CAMK2B: variants seen among roughly 807,000 people sequenced by gnomAD.
The protein encoded by CAMK2B is calcium/calmodulin dependent protein kinase II beta, also known as calcium/calmodulin-dependent protein kinase type II subunit beta.
A neutral mutation model predicts 93.7 loss-of-function variants in CAMK2B; 27 were observed. The ratio of observed to expected loss-of-function variants is 0.29; its 90% CI spans 0.21 to 0.40. CAMK2B has a LOEUF of 0.40. CAMK2B is among the 10% of genes least tolerant of loss of function. CAMK2B has a pLI of 1.00. For synonymous variants in CAMK2B, 374 were observed against 358.8 expected (o/e 1.04, Z -0.48); for missense variants, 568 against 895.8 (o/e 0.63, Z 4.67).
At chr7:44,221,084 A>G in intron 20 of CAMK2B, 183 bp from the exon 21 acceptor site, 1 of 587,232 alleles carries the variant, frequency 1.7e-6, no homozygotes. Context: ...CTCATTTTCA[A>G]GTGCAACAGC....
At chr7:44,281,619 G>A (rs1013204674) in intron 2 of CAMK2B, among the ~76,000 whole-genome samples, 4 of 152,074 alleles carry the variant, frequency 2.6e-5, no homozygotes, top group Admixed American at 2.6e-4. Context: ...CTCTGCTCCC[G>A]GCGACATCTG....
At chr7:44,240,542 G>C (rs1010047610) in intron 12 of CAMK2B, among the ~76,000 whole-genome samples, 165 bp downstream of exon 12, 8 of 152,252 alleles carry the variant, frequency 5.3e-5, no homozygotes, top group African/African-American at 1.7e-4. Flanking sequence ...CAAGGTGGGA[G>C]CCCAGCGGGG....
chr7:44,257,987 G>A (rs969884908), intron 4 of CAMK2B, among the ~76,000 whole-genome samples: 3 of 152,260 alleles, frequency 2.0e-5, no homozygotes, highest in Admixed American at 6.5e-5. Context: ...CTGTGTGGCC[G>A]CCTGGAGGCC....
chr7:44,228,289 C>T (rs778172257), intron 19 of CAMK2B, among the ~76,000 whole-genome samples: 1 of 152,012 alleles, frequency 6.6e-6, no homozygotes, highest in Non-Finnish European at 1.5e-5. Flanking sequence ...CTCCAGAGAC[C>T]CTGGTCGGGG....
Position 44,239,192 on chromosome 7 carries a change from A to G in CAMK2B, c.1021+397T>C, listed in dbSNP as rs368214556. 4.3e-4 allele frequency among the ~76,000 whole-genome samples: 65 copies of G among 152,296 alleles called. 1 individual carries two copies. The South Asian group carries it at 0.013, about 32-fold the overall frequency. On this transcript the variant is annotated intron_variant, in intron 13 of 23. Coordinates refer to ENST00000395749, the MANE Select transcript of CAMK2B (RefSeq NM_001220.5). Reference sequence around the variant, plus strand: ...AGGGGCAGGGTGTGTGTCTGCCCCAAGGGCCTCTGCCTCTCTGGCTCTGCT... The same window carrying G: ...AGGGGCAGGGTGTGTGTCTGCCCCAGGGGCCTCTGCCTCTCTGGCTCTGCT...
Position 44,225,480 on chromosome 7 carries a change from T to C in CAMK2B, c.1597+1036A>G, listed in dbSNP as rs1331997749. On this transcript the variant is annotated intron_variant, in intron 20 of 23. Coordinates refer to ENST00000395749, the MANE Select transcript of CAMK2B (RefSeq NM_001220.5). The surrounding 1 kb of genome is among the most constrained non-coding windows in gnomAD (Gnocchi z 5.0). ...GAACCTGGCCTCTCCCCTCAGCTGC[T>C]TGCCTCTGATCCCCTCAGTCAACCC... 6.6e-6 allele frequency among the ~76,000 whole-genome samples: 1 copy of C among 152,074 alleles called. No homozygotes were observed. Among genetic ancestry groups the C allele is most frequent in the Admixed American group, 6.5e-5 (1 of 15,278 alleles).
intron 4 of CAMK2B, among the ~76,000 whole-genome samples, chr7:44,258,363 C>T (rs1184468683): frequency 1.3e-5 from 2 of 152,228 alleles, no homozygotes; most frequent in African/African-American, 2.4e-5. Context: ...TATGCACATC[C>T]CCACCCATAT....
chr7:44,259,187 C>T (rs2096859495), intron 3 of CAMK2B, among the ~76,000 whole-genome samples: 2 of 152,246 alleles, frequency 1.3e-5, no homozygotes, highest in African/African-American at 4.8e-5. Context: ...GTGCCTCACC[C>T]TCCGCTGCCA....
chr7:44,324,728 T>C (rs1797029664), intron 1 of CAMK2B, among the ~76,000 whole-genome samples: 1 of 152,146 alleles, frequency 6.6e-6, no homozygotes, highest in Non-Finnish European at 1.5e-5. Context: ...CCAGGCTCCC[T>C]GACCTCGTCC....
intron 2 of CAMK2B, among the ~76,000 whole-genome samples, chr7:44,282,843 G>C (rs1036141957): frequency 1.1e-4 from 16 of 152,200 alleles, no homozygotes; most frequent in Non-Finnish European, 1.9e-4. Flanking sequence ...TAGGCCCTCA[G>C]CATCTGGCAG....
intron 1 of CAMK2B, among the ~76,000 whole-genome samples, chr7:44,310,246 A>C (rs1290532954): frequency 6.6e-6 from 1 of 152,254 alleles, no homozygotes; most frequent in Non-Finnish European, 1.5e-5. Context: ...TTGGAAGCTT[A>C]GAAATGTCCA....
intron 20 of CAMK2B, among the ~76,000 whole-genome samples, chr7:44,221,773 C>T (rs1363181776): frequency 6.6e-6 from 1 of 152,362 alleles, no homozygotes; most frequent in Admixed American, 6.5e-5. Flanking sequence ...CACTGGCCTC[C>T]GGGGCGCTCA....
At chr7:44,253,007 C>T (rs2096794299) in intron 5 of CAMK2B, among the ~76,000 whole-genome samples, 1 of 152,190 alleles carries the variant, frequency 6.6e-6, no homozygotes, top group African/African-American at 2.4e-5. Context: ...CAGCTTTGTC[C>T]CTCTCCCTGC....
intron 2 of CAMK2B, among the ~76,000 whole-genome samples, chr7:44,276,599 C>T (rs1022197241): frequency 1.3e-5 from 2 of 152,056 alleles, no homozygotes; most frequent in South Asian, 2.1e-4. Flanking sequence ...CCCCCCAAGA[C>T]AGAAGGGTCC....
intron 2 of CAMK2B, among the ~76,000 whole-genome samples, chr7:44,274,988 T>C (rs2097018572): frequency 6.6e-6 from 1 of 152,200 alleles, no homozygotes; most frequent in Non-Finnish European, 1.5e-5. Context: ...AGGGAGGCGA[T>C]GGTCTTTAGG....
intron 1 of CAMK2B, among the ~76,000 whole-genome samples, chr7:44,307,934 C>A (rs976682484): frequency 6.6e-6 from 1 of 152,054 alleles, no homozygotes; most frequent in African/African-American, 2.4e-5. Context: ...GGTGTGACTG[C>A]AGCTCACTGC....
intron 5 of CAMK2B, 69 bp downstream of exon 5, chr7:44,254,473 G>T: frequency 1.8e-6 from 2 of 1,124,178 alleles, no homozygotes; most frequent in Non-Finnish European, 2.7e-6. Context: ...AGCAGCAGGA[G>T]TGGGTGAAGG....
intron 2 of CAMK2B, among the ~76,000 whole-genome samples, chr7:44,270,166 A>G (rs2096961130): frequency 6.6e-6 from 1 of 151,054 alleles, no homozygotes; most frequent in African/African-American, 2.4e-5. Flanking sequence ...CACTAGCACC[A>G]GCGCTCTCCA....
chr7:44,306,115 C>T (rs920646844), intron 1 of CAMK2B, among the ~76,000 whole-genome samples: 1 of 151,964 alleles, frequency 6.6e-6, no homozygotes, highest in Non-Finnish European at 1.5e-5. Flanking sequence ...GCTGAAATTA[C>T]ATGCTCCCCA....
Sources: gnomAD v4.1 joint callset for allele counts (sites outside exome capture counted in the v4.1 genomes callset) on GRCh38, gnomAD v4.1.1 for gene constraint, Gnocchi (gnomAD v3.1) non-coding constraint, MANE v1.5 for transcripts, NCBI Gene and HGNC (gene_info 2026-07-23, HGNC 2026-07-21) for gene names.